KIF14: variants seen among roughly 807,000 people sequenced by gnomAD.
KIF14 encodes kinesin family member 14, also known as kinesin-like protein KIF14.
KIF14 carries 98 observed loss-of-function variants against 176.2 expected under a neutral mutation model. The ratio of observed to expected loss-of-function variants is 0.56; its 90% CI spans 0.47 to 0.66. The LOEUF is 0.66. Among genes scored for constraint, KIF14 ranks in the 30% least tolerant of loss-of-function variants. The pLI, the probability that KIF14 is intolerant of heterozygous loss-of-function variation, is 0.00. For synonymous variants in KIF14, 566 were observed against 632.2 expected, an observed-to-expected ratio of 0.90 and a Z score of 1.57; for missense variants, 1,751 against 1,920.4, an observed-to-expected ratio of 0.91 and a Z score of 1.65.
chr1:200,608,449 G>A (rs1452561528), intron 5 of KIF14, among the ~76,000 whole-genome samples: 2 of 149,542 alleles, frequency 1.3e-5, no homozygotes, highest in East Asian at 3.9e-4. Flanking sequence ...ACTGCAACCT[G>A]CCTCCCAGGT....
At position 200,560,818 on chromosome 1, in the gene KIF14, T is replaced by G; in HGVS notation, c.4134A>C (p.Val1378=). The change falls in exon 26 of 30, where the codon GTA becomes GTC. Residue 1378 remains valine, a synonymous_variant. Coordinates refer to ENST00000367350, the MANE Select transcript of KIF14 (RefSeq NM_014875.3). The part of the protein sequence containing the change: ...KEAQKNAIQI[V]QQAVKYVGQL... ...GCCCCACATACTTTACAGCTTGTTG[T>G]ACAATTTGGATTGCATTCTTTTGAG... 6.2e-7 allele frequency: 1 copy of G among 1,614,102 alleles called. No individual in the cohort carries two copies. Among genetic ancestry groups the G allele is most frequent in the Non-Finnish European group, 8.5e-7 (1 of 1,179,900 alleles).
chr1:200,554,349 C>A, intron 29 of KIF14, 119 bp downstream of exon 29: 1 of 631,612 alleles, frequency 1.6e-6, no homozygotes, highest in Non-Finnish European at 2.7e-6. Context: ...TGAAATCGAG[C>A]CACTGCACTC....
At chr1:200,585,313 T>C (rs544187851) in intron 19 of KIF14, among the ~76,000 whole-genome samples, 2 of 151,836 alleles carry the variant, frequency 1.3e-5, no homozygotes, top group Admixed American at 6.6e-5. Context: ...TTTTGCAATA[T>C]ATGTAAAAAC....
At chr1:200,611,146 C>T (rs1660137397) in intron 4 of KIF14, among the ~76,000 whole-genome samples, 1 of 152,042 alleles carries the variant, frequency 6.6e-6, no homozygotes, top group African/African-American at 2.4e-5. Context: ...GGCATGGTTT[C>T]CTTATTAGAG....
At chr1:200,609,618 C>T (rs1292535914) in intron 4 of KIF14, among the ~76,000 whole-genome samples, 1 of 152,212 alleles carries the variant, frequency 6.6e-6, no homozygotes, top group South Asian at 2.1e-4. Context: ...TACTGCACTC[C>T]AGCCTAGGCG....
At position 200,560,416 on chromosome 1, in the gene KIF14, C is replaced by T. The variant is rs368478036; in HGVS notation, c.4230+306G>A. Among the ~76,000 whole-genome samples the T allele has an allele frequency of 3.3e-5, 5 of 152,084 alleles. No homozygotes were observed. In the East Asian group the frequency reaches 5.8e-4, roughly 18 times the overall value. ...CCTCCTGAGTAGCTGGGATTACAGG[C>T]GTGGGCCACCATGACTGGCTAACTT... On this transcript the variant is annotated intron_variant, in intron 26 of 29. Transcript: ENST00000367350.
chr1:200,599,914 C>T lies in KIF14; in HGVS notation c.2364+136G>A, dbSNP rs367829290. ...CATTTCTTTATATTAATTTTCCTTA[C>T]GGTATTGCTTTGTACAGAGTCAGTA... On this transcript the variant is annotated intron_variant, in intron 13 of 29. Transcript: ENST00000367350. 2.8e-4 allele frequency: 159 copies of T among 560,084 alleles called. 1 individual carries two copies. Among genetic ancestry groups the T allele is most frequent in the East Asian group, 1.6e-3 (53 of 32,468 alleles). 34.7% of individuals were successfully genotyped at this position (560,084 alleles called of 1,614,324 possible).
intron 21 of KIF14, among the ~76,000 whole-genome samples, chr1:200,579,405 G>C (rs1308086772): frequency 6.6e-6 from 1 of 151,982 alleles, no homozygotes; most frequent in East Asian, 1.9e-4. Context: ...TCAGGAGTTC[G>C]AGACCAGCCT....
Position 200,553,544 on chromosome 1 carries a change from A to G in KIF14, c.4791T>C (p.Tyr1597=), listed in dbSNP as rs776103997. 2 of 1,614,070 alleles carry G rather than the reference A, an allele frequency of 1.2e-6. No homozygotes were observed. The highest frequency in any genetic ancestry group is 1.7e-6 in the Non-Finnish European group (2 of 1,180,008). ...GGTGTTCTTCTTTGGTATTTTGATT[A>G]TAAGTTTCCCAGGGTTTCAACAAAT... The part of the protein sequence containing the change: ...SPDLLKPWET[Y]NQNTKEEHQQ... Residue 1597 remains tyrosine (Y), a synonymous_variant, in exon 30 of 30, where the codon TAT becomes TAC. Coordinates refer to ENST00000367350, the MANE Select transcript of KIF14 (RefSeq NM_014875.3).
intron 17 of KIF14, among the ~76,000 whole-genome samples, 190 bp downstream of exon 17, chr1:200,589,935 G>T (rs1658967658): frequency 6.6e-6 from 1 of 152,024 alleles, no homozygotes; most frequent in African/African-American, 2.4e-5. Flanking sequence ...TTACGGGCAT[G>T]AGCCACCATG....
At chr1:200,587,294 TC>T (rs1658802122) in intron 18 of KIF14, among the ~76,000 whole-genome samples, 1 of 150,932 alleles carries the variant, frequency 6.6e-6, no homozygotes, top group Non-Finnish European at 1.5e-5. Flanking sequence ...ACTATATAAT[TC>T]ATCCACGAAA....
In KIF14 at chr1:200,618,766, T is replaced by C; in HGVS notation, c.-43A>G. 6.9e-7 allele frequency: 1 copy of C among 1,456,048 alleles called. No individual in the cohort carries two copies. The highest frequency in any genetic ancestry group is 9.3e-7 in the Non-Finnish European group (1 of 1,076,952). The allele number at this position is 1,456,048 out of a possible 1,614,324, so 90.2% of individuals were successfully genotyped here. A position where few individuals can be genotyped will look rare whatever the true frequency, so the allele number is the denominator to read the frequency against. ...TTAAAAAAGAATGTTACTAAGACCC[T>C]AAGCTCTTCTTTGGACATTCATTTG... On this transcript the variant is annotated 5_prime_UTR_variant, in exon 2 of 30. The change abolishes the stop of an existing upstream ORF in the 5' untranslated region. Coordinates refer to ENST00000367350, the MANE Select transcript of KIF14 (RefSeq NM_014875.3).
intron 18 of KIF14, among the ~76,000 whole-genome samples, chr1:200,587,677 G>C (rs139817889): frequency 2.0e-5 from 3 of 152,038 alleles, no homozygotes; most frequent in South Asian, 2.1e-4. Flanking sequence ...TTAGCCGGGC[G>C]TAGTGGCAGA....
intron 22 of KIF14, among the ~76,000 whole-genome samples, chr1:200,574,018 T>G (rs1372233470): frequency 6.6e-6 from 1 of 152,224 alleles, no homozygotes; most frequent in East Asian, 1.9e-4. Context: ...TCGTAACAGC[T>G]CTGTGACTTT....
chr1:200,610,791 A>G (rs1660119297), intron 4 of KIF14, among the ~76,000 whole-genome samples: 9 of 152,158 alleles, frequency 5.9e-5, no homozygotes, highest in Admixed American at 5.9e-4. Context: ...AAATATGACT[A>G]ATCAGAAAAG....
chr1:200,609,630 C>A (rs570122615), intron 4 of KIF14, among the ~76,000 whole-genome samples: 171 of 152,312 alleles, frequency 1.1e-3, no homozygotes, highest in Middle Eastern at 0.01. Context: ...GCCTAGGCGA[C>A]AGAGTGAGAC....
chr1:200,603,601 C>T (rs1206895723), intron 9 of KIF14, among the ~76,000 whole-genome samples: 1 of 152,102 alleles, frequency 6.6e-6, no homozygotes, highest in East Asian at 1.9e-4. Flanking sequence ...TGCCACAATG[C>T]CTGTCTATAA....
At chr1:200,588,244 T>G (rs775708456) in intron 18 of KIF14, among the ~76,000 whole-genome samples, 2,762 of 115,666 alleles carry the variant, frequency 0.024, 74 homozygotes, top group African/African-American at 0.099. Flanking sequence ...TGTTTGTTTG[T>G]TTTGTTTTTT....
chr1:200,588,247 TG>T (rs1195916324), intron 18 of KIF14, among the ~76,000 whole-genome samples: 8 of 116,620 alleles, frequency 6.9e-5, no homozygotes, highest in Non-Finnish European at 1.1e-4. Flanking sequence ...TTGTTTGTTT[TG>T]TTTTTTTTTT....
Sources: gnomAD v4.1 joint callset for allele counts (sites outside exome capture counted in the v4.1 genomes callset) on GRCh38, gnomAD v4.1.1 for gene constraint, MANE v1.5 for transcripts, NCBI Gene and HGNC (gene_info 2026-07-23, HGNC 2026-07-21) for gene names.